The following ANO1 variants were observed in gnomAD, a reference collection of about 807,000 sequenced individuals.
ANO1 encodes anoctamin 1.
ANO1 carries 59 observed loss-of-function variants against 124.0 expected under a neutral mutation model. The ratio of observed to expected loss-of-function variants is 0.48; its 90% CI spans 0.39 to 0.59. ANO1 has a LOEUF of 0.59. Among genes scored for constraint, ANO1 ranks in the 20% least tolerant of loss-of-function variants. ANO1 has a pLI of 0.00. For synonymous variants in ANO1, 529 were observed against 532.0 expected, an observed-to-expected ratio of 0.99 and a Z score of 0.08; for missense variants, 1,059 against 1,328.0, an observed-to-expected ratio of 0.80 and a Z score of 3.15.
upstream of ANO1, among the ~76,000 whole-genome samples, chr11:70,077,100 G>T (rs200781091): frequency 6.6e-6 from 1 of 152,194 alleles, no homozygotes; most frequent in Non-Finnish European, 1.5e-5. Flanking sequence ...ACCATGGCAC[G>T]CTGACGACAT....
In ANO1 at chr11:70,172,119, TA is replaced by T. The variant is rs367908728; in HGVS notation, c.2350+1097del. ...TGGGCAACAGAGAGAGAACCTGTCT[TA>T]AAAAAAAAAAAAAAAAGAAAAGAAA... is the stretch of plus-strand genomic sequence containing the variant. On this transcript the variant is annotated intron_variant, in intron 22 of 25. Coordinates refer to ENST00000355303, the MANE Select transcript of ANO1 (RefSeq NM_018043.7). Among the ~76,000 whole-genome samples, 719 of 120,442 alleles carry T rather than the reference TA, an allele frequency of 6.0e-3. 5 individuals are homozygous for T. The highest frequency in any genetic ancestry group is 0.015 in the Admixed American group (169 of 11,444). The allele number at this position is 120,442 out of a possible 152,430, so 79.0% of individuals were successfully genotyped here.
intron 1 of ANO1, among the ~76,000 whole-genome samples, chr11:70,069,017 C>T (rs531652273): frequency 6.6e-6 from 1 of 152,350 alleles, no homozygotes; most frequent in Non-Finnish European, 1.5e-5. Flanking sequence ...CTTCATGCCT[C>T]AGGACCTCCT....
At chr11:70,071,046 G>A (rs1203290162) in intron 1 of ANO1, among the ~76,000 whole-genome samples, 1 of 152,172 alleles carries the variant, frequency 6.6e-6, no homozygotes, top group African/African-American at 2.4e-5. Flanking sequence ...CTGGGAGGGT[G>A]CCCCTGGGTG....
chr11:70,009,800 G>A (rs1048192034), intron 1 of ANO1, among the ~76,000 whole-genome samples: 1 of 151,998 alleles, frequency 6.6e-6, no homozygotes, highest in South Asian at 2.1e-4. Context: ...CAATATTTTG[G>A]GGGAACAGGT....
At chr11:69,980,923 A>G (rs2375290), upstream of ANO1, among the ~76,000 whole-genome samples, 13,207 of 151,336 alleles carry the variant, frequency 0.087, 844 homozygotes, top group East Asian at 0.24. Flanking sequence ...GTGGTGGCAC[A>G]TGCCTGTAAT....
intron 1 of ANO1, among the ~76,000 whole-genome samples, chr11:70,003,638 G>T (rs1187387903): frequency 6.6e-6 from 1 of 151,932 alleles, no homozygotes; most frequent in Non-Finnish European, 1.5e-5. Context: ...TGGATGGATG[G>T]ATGGATGGAT....
chr11:70,055,561 T>C (rs1375391865), intron 1 of ANO1, among the ~76,000 whole-genome samples: 2 of 152,214 alleles, frequency 1.3e-5, no homozygotes, highest in East Asian at 3.8e-4. Context: ...TTCTGGTTCT[T>C]TTTATTAAAG....
intron 1 of ANO1, among the ~76,000 whole-genome samples, chr11:69,988,743 C>T (rs1418915900): frequency 1.3e-5 from 2 of 152,186 alleles, no homozygotes; most frequent in Non-Finnish European, 2.9e-5. Context: ...CCCACAAGGG[C>T]AGGTGGAGTT....
At chr11:70,176,275 G>A (rs1242569587) in intron 22 of ANO1, among the ~76,000 whole-genome samples, 1 of 151,502 alleles carries the variant, frequency 6.6e-6, no homozygotes, top group Non-Finnish European at 1.5e-5. Flanking sequence ...AGCATCCTGA[G>A]TAGCTGGGAT....
intron 11 of ANO1, among the ~76,000 whole-genome samples, chr11:70,142,431 G>C (rs967467786): frequency 1.3e-5 from 2 of 152,132 alleles, no homozygotes; most frequent in Non-Finnish European, 2.9e-5. Flanking sequence ...TAAATAGGTA[G>C]GGTGCCCGGT....
At chr11:70,077,675 C>G (rs568971928), upstream of ANO1, among the ~76,000 whole-genome samples, 3 of 152,230 alleles carry the variant, frequency 2.0e-5, no homozygotes, top group East Asian at 3.9e-4. Context: ...CGGACTGGTC[C>G]TTGGCCCTCC....
chr11:70,068,688 A>G (rs2135131847), intron 1 of ANO1, among the ~76,000 whole-genome samples: 1 of 152,174 alleles, frequency 6.6e-6, no homozygotes, highest in East Asian at 1.9e-4. Context: ...CCATTAGCCT[A>G]TGTCTGCTCC....
At chr11:70,086,604 G>A (rs1030669108) in intron 1 of ANO1, among the ~76,000 whole-genome samples, 1 of 152,208 alleles carries the variant, frequency 6.6e-6, no homozygotes, top group Non-Finnish European at 1.5e-5. Context: ...TGTGGGGAAG[G>A]TGCAAGCGCA....
chr11:70,123,985 C>A, intron 8 of ANO1, among the ~76,000 whole-genome samples: 1 of 152,070 alleles, frequency 6.6e-6, no homozygotes, highest in East Asian at 1.9e-4. Flanking sequence ...TCTTTGCATC[C>A]CGTGAGAGTT....
At chr11:70,152,569 C>G in intron 13 of ANO1, 108 bp downstream of exon 13, 1 of 1,312,268 alleles carries the variant, frequency 7.6e-7, no homozygotes, top group African/African-American at 1.5e-5. Context: ...CGCAGTTCCT[C>G]CACGCGGGTG....
chr11:70,047,782 A>C (rs1196064472), intron 1 of ANO1, among the ~76,000 whole-genome samples: 1 of 152,246 alleles, frequency 6.6e-6, no homozygotes, highest in Non-Finnish European at 1.5e-5. Flanking sequence ...AACAGTCCCC[A>C]TAGGTCCTGC....
chr11:70,069,107 G>T (rs1026610347), intron 1 of ANO1, among the ~76,000 whole-genome samples: 1 of 152,214 alleles, frequency 6.6e-6, no homozygotes, highest in Non-Finnish European at 1.5e-5. Context: ...GAGGGCCCGG[G>T]GCCATCTCTG....
chr11:70,187,944 C>T lies in ANO1; in HGVS notation c.2901C>T (p.Ala967=), dbSNP rs754158579. ...CGTGCAACCACCACAACACCAAAGC[C>T]TGCCCAGACAGCCTCGGCAGCCCAG... The part of the protein sequence containing the change: ...EPPCNHHNTK[A]CPDSLGSPAP... The change falls in exon 26 of 26, where the codon GCC becomes GCT. Residue 967 remains alanine (A), a synonymous_variant. Transcript: ENST00000355303. 2.7e-5 allele frequency: 42 copies of T among 1,580,614 alleles called. No homozygotes were observed. In the South Asian group the frequency reaches 4.0e-4, roughly 15 times the overall value.
intron 16 of ANO1, among the ~76,000 whole-genome samples, chr11:70,157,979 C>CAAAAAAAAAAAA (rs548012147): frequency 1.3e-5 from 1 of 74,294 alleles, no homozygotes; most frequent in Non-Finnish European, 2.5e-5. Flanking sequence ...GACCCTGTCT[C>CAAAAAAAAAAAA]AAAAAAAAAA....
Sources: allele counts gnomAD v4.1 joint callset (sites outside exome capture counted in the v4.1 genomes callset), GRCh38; gene constraint gnomAD v4.1.1; transcripts MANE v1.5; gene names NCBI Gene and HGNC (gene_info 2026-07-23, HGNC 2026-07-21).